ARHGEF10L: variants seen among roughly 807,000 people sequenced by gnomAD.
ARHGEF10L encodes Rho guanine nucleotide exchange factor 10 like.
A neutral mutation model predicts 141.2 loss-of-function variants in ARHGEF10L; 69 were observed. That is an observed-to-expected ratio of 0.49 (90% confidence interval 0.40 to 0.60). ARHGEF10L has a LOEUF of 0.60. Among genes scored for constraint, ARHGEF10L ranks in the 20% least tolerant of loss-of-function variants. ARHGEF10L has a pLI of 0.00. For missense variants in ARHGEF10L, 1,482 were observed against 1,734.3 expected, an observed-to-expected ratio of 0.85 and a Z score of 2.58; for synonymous variants, 711 against 718.5, an observed-to-expected ratio of 0.99 and a Z score of 0.17.
intron 21 of ARHGEF10L, 121 bp downstream of exon 21, chr1:17,640,423 G>C: frequency 1.2e-6 from 1 of 811,372 alleles, no homozygotes; most frequent in Non-Finnish European, 1.9e-6. Flanking sequence ...GCTTCTGAGT[G>C]GGAGGGAGGT....
chr1:17,520,449 C>T, the ARHGEF10L span, among the ~76,000 whole-genome samples: 1 of 152,372 alleles, frequency 6.6e-6, no homozygotes, highest in South Asian at 2.1e-4. Flanking sequence ...TTGGACTGCA[C>T]AGGATTGAGG....
At chr1:17,537,854 C>CAAAAAAAAAAAAAAAAAAA (rs10611023), upstream of ARHGEF10L, among the ~76,000 whole-genome samples, 4 of 79,844 alleles carry the variant, frequency 5.0e-5, no homozygotes, top group Non-Finnish European at 9.5e-5. Context: ...ACCATCTCTA[C>CAAAAAAAAAAAAAAAAAAA]AAAAAAAAAA....
At position 17,664,443 on chromosome 1, in the gene ARHGEF10L, G is replaced by T; in HGVS notation, c.2861-4G>T. On this transcript the variant is annotated splice_polypyrimidine_tract_variant and splice_region_variant and intron_variant, in intron 25 of 28. Coordinates refer to ENST00000361221, the MANE Select transcript of ARHGEF10L (RefSeq NM_018125.4). ...CCTGACCTGCCTCCCCTCTCTCCCT[G>T]CAGGAGGTGTCCTGTGGGACCTGGA... The T allele has an allele frequency of 6.2e-7, 1 of 1,601,838 alleles. No individual in the cohort carries two copies.
chr1:17,516,027 C>G, the ARHGEF10L span, among the ~76,000 whole-genome samples: 3 of 152,232 alleles, frequency 2.0e-5, no homozygotes, highest in Admixed American at 2.0e-4. Flanking sequence ...GCAGAGAAGA[C>G]TAACGGCTTG....
rs765796020 is a variant in ARHGEF10L, at chr1:17,623,002, C to T, written c.1027C>T (p.Arg343Cys). 68 of 1,612,204 alleles carry T rather than the reference C, an allele frequency of 4.2e-5. No individual in the cohort carries two copies. In the Middle Eastern group the frequency reaches 7.3e-4, roughly 17 times the overall value. The stretch of plus-strand genomic sequence containing the variant: ...ACCCCGCCCTCCCCGGCAGGACTAC[C>T]GCAACCCCCTGATGGAGATGGAGCC... Reference protein sequence around the residue: ...ESLKRILQDYRNPLMEMEPKA... With the variant: ...ESLKRILQDYCNPLMEMEPKA... The change falls in exon 12 of 29, where the codon CGC becomes TGC. Residue 343 changes from arginine (R) to cysteine (C), a missense_variant. Physicochemically the swap from Arg to Cys is radical, Grantham distance 180. Coordinates refer to ENST00000361221, the MANE Select transcript of ARHGEF10L (RefSeq NM_018125.4). This position sits in a 1 kb window ranked among gnomAD's most constrained non-coding sequence, Gnocchi z 4.7.
At chr1:17,653,966 G>A (rs573378734) in intron 22 of ARHGEF10L, among the ~76,000 whole-genome samples, 55 of 152,358 alleles carry the variant, frequency 3.6e-4, no homozygotes, top group African/African-American at 1.3e-3. Context: ...GCAGCTGCCT[G>A]GAAAAGGGCC....
chr1:17,614,922 T>C (rs1275032593), intron 8 of ARHGEF10L, among the ~76,000 whole-genome samples: 1 of 150,880 alleles, frequency 6.6e-6, no homozygotes, highest in Non-Finnish European at 1.5e-5. Context: ...GACCAAAGGG[T>C]TATTGGAGGT....
At chr1:17,566,140 A>T (rs1430782447) in intron 1 of ARHGEF10L, among the ~76,000 whole-genome samples, 1 of 152,134 alleles carries the variant, frequency 6.6e-6, no homozygotes, top group Non-Finnish European at 1.5e-5. Flanking sequence ...TCCCCAGAGG[A>T]CTTCACCAAT....
the ARHGEF10L span, among the ~76,000 whole-genome samples, chr1:17,524,181 G>C: frequency 6.6e-6 from 1 of 152,056 alleles, no homozygotes; most frequent in African/African-American, 2.4e-5. Flanking sequence ...GCTGAGGCAG[G>C]ACAATTGCTT....
intron 4 of ARHGEF10L, among the ~76,000 whole-genome samples, chr1:17,596,130 C>A (rs957974062): frequency 6.6e-6 from 1 of 152,238 alleles, no homozygotes; most frequent in East Asian, 1.9e-4. Flanking sequence ...GACCAACAGT[C>A]AGAGTCTCTG....
upstream of ARHGEF10L, among the ~76,000 whole-genome samples, chr1:17,538,075 C>A (rs770709278): frequency 6.6e-6 from 1 of 151,558 alleles, no homozygotes; most frequent in South Asian, 2.1e-4. Context: ...TAAAAAAAAA[C>A]AAAGAAAGAA....
At chr1:17,658,976 G>A (rs1407530719) in intron 25 of ARHGEF10L, among the ~76,000 whole-genome samples, 4 of 152,156 alleles carry the variant, frequency 2.6e-5, no homozygotes, top group Non-Finnish European at 5.9e-5. Context: ...ATTTGGTGGG[G>A]GAACCCGGAG....
intron 18 of ARHGEF10L, 40 bp from the exon 19 acceptor site, chr1:17,637,848 C>A: frequency 6.6e-7 from 1 of 1,521,582 alleles, no homozygotes; most frequent in Non-Finnish European, 8.9e-7. Flanking sequence ...TTCTTGTTAG[C>A]GCCTTCACCT....
intron 1 of ARHGEF10L, among the ~76,000 whole-genome samples, chr1:17,546,720 A>G (rs970564072): frequency 6.6e-6 from 1 of 152,058 alleles, no homozygotes; most frequent in Non-Finnish European, 1.5e-5. Context: ...CAGTGTTGGC[A>G]AGGCCCAGTC....
intron 4 of ARHGEF10L, among the ~76,000 whole-genome samples, chr1:17,593,970 C>A (rs2079837893): frequency 6.7e-6 from 1 of 150,022 alleles, no homozygotes. Context: ...CTCTGTGCAT[C>A]TAGGATGGTG....
chr1:17,552,913 C>T (rs2077169491), intron 1 of ARHGEF10L, among the ~76,000 whole-genome samples: 1 of 152,190 alleles, frequency 6.6e-6, no homozygotes, highest in African/African-American at 2.4e-5. Context: ...CCCCTTCAAA[C>T]TTTGTTCAGC....
In ARHGEF10L at chr1:17,603,222, C is replaced by T. The variant is rs968301245; in HGVS notation, c.350-286C>T. ...ACTGCGTCATGCTCCCTGCAGGGGCCGGGAGCAGCTGTCCATTAGCCAGAT... is the reference window on the plus strand; with the variant it reads ...ACTGCGTCATGCTCCCTGCAGGGGCTGGGAGCAGCTGTCCATTAGCCAGAT... On this transcript the variant is annotated intron_variant, in intron 5 of 28. Transcript: ENST00000361221. The surrounding 1 kb of genome is among the most constrained non-coding windows in gnomAD (Gnocchi z 4.8). 2.7e-5 allele frequency among the ~76,000 whole-genome samples: 4 copies of T among 148,994 alleles called. No individual in the cohort carries two copies. The highest frequency in any genetic ancestry group is 1.0e-4 in the African/African-American group (4 of 40,154).
At chr1:17,549,955 A>G (rs921834145) in intron 1 of ARHGEF10L, among the ~76,000 whole-genome samples, 1 of 152,218 alleles carries the variant, frequency 6.6e-6, no homozygotes, top group Non-Finnish European at 1.5e-5. Flanking sequence ...GACTACGAAC[A>G]TTTGCAGGGT....
intron 12 of ARHGEF10L, 86 bp from the exon 13 acceptor site, chr1:17,624,301 G>A (rs2060265126): frequency 9.6e-7 from 1 of 1,036,938 alleles, no homozygotes; most frequent in Non-Finnish European, 1.5e-6. Flanking sequence ...CTGCCTTGAG[G>A]CGGCCTCCCT....
Sources: allele counts gnomAD v4.1 joint callset (sites outside exome capture counted in the v4.1 genomes callset), GRCh38; gene constraint gnomAD v4.1.1; non-coding constraint Gnocchi (gnomAD v3.1); transcripts MANE v1.5; gene names NCBI Gene and HGNC (gene_info 2026-07-23, HGNC 2026-07-21).